The following MAP3K1 variants were observed in gnomAD, a reference collection of about 807,000 sequenced individuals.
The protein encoded by MAP3K1 is mitogen-activated protein kinase kinase kinase 1.
In MAP3K1, 36 loss-of-function variants were observed where a neutral mutation model predicts 144.2. The observed-to-expected ratio is 0.25, with a 90% confidence interval of 0.19 to 0.33. MAP3K1 has a LOEUF of 0.33. Among genes scored for constraint, MAP3K1 ranks in the 10% least tolerant of loss-of-function variants. The pLI, the probability that MAP3K1 is intolerant of heterozygous loss-of-function variation, is 1.00. For synonymous variants in MAP3K1, 718 were observed against 688.7 expected (o/e 1.04, Z -0.67); for missense variants, 1,650 against 1,881.9 (o/e 0.88, Z 2.28).
At chr5:56,870,269 A>G (rs1032575583) in intron 6 of MAP3K1, among the ~76,000 whole-genome samples, 14 of 152,340 alleles carry the variant, frequency 9.2e-5, no homozygotes, top group East Asian at 1.9e-4. Context: ...TTCTTCTCAG[A>G]TAAAAGTGTA....
intron 1 of MAP3K1, among the ~76,000 whole-genome samples, chr5:56,845,479 T>C (rs1348885018): frequency 6.6e-6 from 1 of 151,748 alleles, no homozygotes; most frequent in African/African-American, 2.4e-5. Flanking sequence ...AGAACACCCC[T>C]CCCCCCACAG....
intron 1 of MAP3K1, among the ~76,000 whole-genome samples, chr5:56,848,002 A>G (rs1448167665): frequency 2.0e-5 from 3 of 152,182 alleles, no homozygotes; most frequent in Non-Finnish European, 4.4e-5. Context: ...GTATAGGAGA[A>G]CTGTACAGTT....
intron 19 of MAP3K1, among the ~76,000 whole-genome samples, chr5:56,892,223 T>A (rs1002817375): frequency 4.6e-5 from 7 of 152,222 alleles, no homozygotes; most frequent in African/African-American, 1.7e-4. Flanking sequence ...CACTGGTTTG[T>A]AGTTCTTGAA....
At chr5:56,880,951 A>G in intron 12 of MAP3K1, 132 bp from the exon 13 acceptor site, 2 of 1,055,950 alleles carry the variant, frequency 1.9e-6, no homozygotes, top group Non-Finnish European at 2.8e-6. Flanking sequence ...AGAAATGTGA[A>G]TTACTCTGAG....
chr5:56,837,801 G>A (rs1746698458), intron 1 of MAP3K1, among the ~76,000 whole-genome samples: 1 of 152,234 alleles, frequency 6.6e-6, no homozygotes, highest in Non-Finnish European at 1.5e-5. Flanking sequence ...TCAAGAGTGG[G>A]AAACAGATAA....
At position 56,895,722 on chromosome 5, in the gene MAP3K1, T is replaced by G. The variant is rs1402958852; in HGVS notation, c.*2042T>G. 4.3e-6 allele frequency: 1 copy of G among 232,278 alleles called. No individual in the cohort carries two copies. Among genetic ancestry groups the G allele is most frequent in the Non-Finnish European group, 8.5e-6 (1 of 117,476 alleles). The allele number at this position is 232,278 out of a possible 1,614,324, so 14.4% of individuals were successfully genotyped here. On this transcript the variant is annotated 3_prime_UTR_variant, in exon 20 of 20. Coordinates refer to ENST00000399503, the MANE Select transcript of MAP3K1 (RefSeq NM_005921.2). Reference sequence around the variant, plus strand: ...ATGTGATGTAATATTCTTATTTTCTTTGGATCAAAGCTGGACTGGAAATTG... The same window carrying G: ...ATGTGATGTAATATTCTTATTTTCTGTGGATCAAAGCTGGACTGGAAATTG...
chr5:56,887,356 C>A, intron 17 of MAP3K1, 22 bp from the exon 18 acceptor site: 2 of 1,613,548 alleles, frequency 1.2e-6, no homozygotes, highest in South Asian at 1.1e-5. Context: ...CATACAAGGT[C>A]ATTTGCTGTG....
At position 56,872,885 on chromosome 5, in the gene MAP3K1, C is replaced by G. The variant is rs2229882; in HGVS notation, c.1566C>G (p.Thr522=). 1 of 1,614,096 alleles carries G rather than the reference C, an allele frequency of 6.2e-7. No individual in the cohort carries two copies. The highest frequency in any genetic ancestry group is 1.7e-4 in the Middle Eastern group (1 of 6,060). Residue 522 remains threonine (T), a synonymous_variant, in exon 9 of 20, where the codon ACC becomes ACG. Transcript: ENST00000399503. ...CCCTCAGAGCTGCACAGCAGCAAAC[C>G]GTACAGCAGCAGCCTTTGGCTGGAT... ...PSSLRAAQQQ[T]VQQQPLAGSR... is the part of the protein sequence containing the mutation.
Position 56,882,109 on chromosome 5 carries a change from C to T in MAP3K1, c.2909C>T (p.Ser970Phe), listed in dbSNP as rs1275411238. 1.9e-5 allele frequency: 31 copies of T among 1,614,108 alleles called. No homozygotes were observed. The highest frequency in any genetic ancestry group is 2.6e-5 in the Non-Finnish European group (31 of 1,180,018). Residue 970 changes from serine (S) to phenylalanine (F), a missense_variant, in exon 14 of 20, where the codon TCT (serine) becomes TTT (phenylalanine). Physicochemically the swap from Ser to Phe is radical, Grantham distance 155. Around this residue, in one of 6 missense-constraint regions of MAP3K1, gnomAD observed 841 missense variants for 886.5 expected, o/e 0.95. Coordinates refer to ENST00000399503, the MANE Select transcript of MAP3K1 (RefSeq NM_005921.2). The part of the protein sequence containing the change: ...GRPHSQCLNS[S>F]PLSHHSQLMF... ...CCCCACAGTCAGTGTTTGAACTCCT[C>T]TCCTTTATCTCATCATTCCCAATTA...
At chr5:56,867,473 A>G (rs944208496) in intron 6 of MAP3K1, among the ~76,000 whole-genome samples, 18 of 152,210 alleles carry the variant, frequency 1.2e-4, no homozygotes, top group African/African-American at 2.4e-4. Context: ...TTAAAATTCA[A>G]TTGAAAATGA....
chr5:56,824,414 G>C (rs993531960), intron 1 of MAP3K1, among the ~76,000 whole-genome samples: 11 of 152,196 alleles, frequency 7.2e-5, no homozygotes, highest in Non-Finnish European at 1.5e-4. Context: ...CTAACATGCA[G>C]CAATTAGAAG....
intron 1 of MAP3K1, among the ~76,000 whole-genome samples, chr5:56,851,197 C>T (rs1579743954): frequency 6.6e-6 from 1 of 152,182 alleles, no homozygotes; most frequent in African/African-American, 2.4e-5. Flanking sequence ...CTGCCTGCCT[C>T]GGCCTCTCAA....
chr5:56,885,681 G>A (rs945007882), intron 16 of MAP3K1, among the ~76,000 whole-genome samples: 5 of 152,130 alleles, frequency 3.3e-5, no homozygotes, highest in Admixed American at 2.6e-4. Flanking sequence ...AGTTTAATCC[G>A]AAATTGTTAA....
At chr5:56,831,535 A>G (rs912978513) in intron 1 of MAP3K1, among the ~76,000 whole-genome samples, 2 of 152,228 alleles carry the variant, frequency 1.3e-5, no homozygotes, top group South Asian at 2.1e-4. Context: ...CAGACCAACT[A>G]TCAGGCAGGC....
chr5:56,849,022 A>T (rs974616716), intron 1 of MAP3K1, among the ~76,000 whole-genome samples: 1 of 152,234 alleles, frequency 6.6e-6, no homozygotes, highest in Admixed American at 6.5e-5. Context: ...TTCCACTAAT[A>T]AAGATTTCTG....
chr5:56,835,506 G>A (rs1026321822), intron 1 of MAP3K1, among the ~76,000 whole-genome samples: 2 of 151,962 alleles, frequency 1.3e-5, no homozygotes, highest in Non-Finnish European at 2.9e-5. Flanking sequence ...CCAGTGGTCC[G>A]CAGTAGGGAT....
intron 7 of MAP3K1, 84 bp from the exon 8 acceptor site, chr5:56,872,557 A>G (rs2111912969): frequency 1.2e-6 from 1 of 824,286 alleles, no homozygotes; most frequent in East Asian, 2.7e-5. Context: ...TTCTATATAA[A>G]TTCTATAATT....
chr5:56,894,700 GGTA>G lies in MAP3K1; in HGVS notation c.*1024_*1026del, dbSNP rs754857961. ...CAATCCATCATTCACCTTCACTACT[GGTA>G]GTAACATAGAGCTGCCATTTTCCTT... is the stretch of plus-strand genomic sequence containing the variant. On this transcript the variant is annotated 3_prime_UTR_variant, in exon 20 of 20. Coordinates refer to ENST00000399503, the MANE Select transcript of MAP3K1 (RefSeq NM_005921.2). 1.7e-5 allele frequency: 4 copies of G among 232,238 alleles called. No individual in the cohort carries two copies. The highest frequency in any genetic ancestry group is 3.4e-5 in the Non-Finnish European group (4 of 117,486). The allele number at this position is 232,238 out of a possible 1,614,324, so 14.4% of individuals were successfully genotyped here.
intron 1 of MAP3K1, among the ~76,000 whole-genome samples, chr5:56,823,891 GTA>G (rs1049780182): frequency 6.5e-4 from 99 of 152,058 alleles, no homozygotes; most frequent in African/African-American, 2.1e-3. Context: ...GTGCGTGTGT[GTA>G]TATATATGCA....
Sources: allele counts gnomAD v4.1 joint callset (sites outside exome capture counted in the v4.1 genomes callset), GRCh38; gene constraint gnomAD v4.1.1; regional missense constraint gnomAD v4.1.1; transcripts MANE v1.5; gene names NCBI Gene and HGNC (gene_info 2026-07-23, HGNC 2026-07-21).